The following PCIF1 variants were observed in gnomAD, a reference collection of about 807,000 sequenced individuals.
The protein encoded by PCIF1 is phosphorylated CTD interacting factor 1.
A neutral mutation model predicts 86.9 loss-of-function variants in PCIF1; 12 were observed. The ratio of observed to expected loss-of-function variants is 0.14; its 90% confidence interval spans 0.09 to 0.22. The LOEUF is 0.22. Among genes scored for constraint, PCIF1 ranks in the 10% least tolerant of loss-of-function variants. The pLI is 1.00. For synonymous variants in PCIF1, 397 were observed against 372.0 expected (o/e 1.07, Z -0.77); for missense variants, 701 against 951.1 (o/e 0.74, Z 3.46).
At chr20:45,938,496 T>C (rs2083444025) in intron 2 of PCIF1, among the ~76,000 whole-genome samples, 1 of 152,222 alleles carries the variant, frequency 6.6e-6, no homozygotes, top group Non-Finnish European at 1.5e-5. Context: ...TGTAAATATT[T>C]GCAGAATCAG....
chr20:45,944,860 T>C lies in PCIF1; in HGVS notation c.1006-8T>C. 1 of 1,611,004 alleles carries C rather than the reference T, an allele frequency of 6.2e-7. No homozygotes were observed. Among genetic ancestry groups the C allele is most frequent in the Non-Finnish European group, 8.5e-7 (1 of 1,178,102 alleles). On this transcript the variant is annotated splice_region_variant and splice_polypyrimidine_tract_variant and intron_variant, in intron 10 of 16. Coordinates refer to ENST00000372409, the MANE Select transcript of PCIF1 (RefSeq NM_022104.4). The stretch of plus-strand genomic sequence containing the variant: ...CACTAGCGCCCTGATCCAGAATGTG[T>C]CCTCTAGGATCGCCTGGAGCATCTG...
rs995605066 is a variant in PCIF1, at chr20:45,938,937, G to A, written c.-19-44G>A. Reference sequence around the variant, plus strand: ...GGCCCTGGGTGGATTGTAATTGGCGGGTGAGGGGGTGGAGCTGACACTCTT... The same window carrying A: ...GGCCCTGGGTGGATTGTAATTGGCGAGTGAGGGGGTGGAGCTGACACTCTT... On this transcript the variant is annotated intron_variant, in intron 2 of 16. Transcript: ENST00000372409. 4.4e-6 allele frequency: 7 copies of A among 1,601,932 alleles called. No individual in the cohort carries two copies. In the Admixed American group the frequency reaches 1.2e-4, roughly 27 times the overall value.
At chr20:45,937,643 A>C in intron 2 of PCIF1, 58 bp downstream of exon 2, 1 of 398,694 alleles carries the variant, frequency 2.5e-6, no homozygotes. Flanking sequence ...CCCCCAAGGC[A>C]TCAGGAATTC....
chr20:45,939,459 G>A, intron 4 of PCIF1, 120 bp downstream of exon 4: 1 of 1,402,986 alleles, frequency 7.1e-7, no homozygotes, highest in Non-Finnish European at 9.7e-7. Flanking sequence ...CAGATACAAT[G>A]ACAAGCAAGA....
In PCIF1 at chr20:45,934,766, G is replaced by C. The variant is rs375176035; in HGVS notation, c.-226G>C. On this transcript the variant is annotated 5_prime_UTR_variant, in exon 1 of 17. Transcript: ENST00000372409. Reference sequence around the variant, plus strand: ...AGGCGGCAAAACGGGCGGTCGAGCAGAACGTGTAGCCGCGTCCCCTCCAGT... The same window carrying C: ...AGGCGGCAAAACGGGCGGTCGAGCACAACGTGTAGCCGCGTCCCCTCCAGT... 4.5e-5 allele frequency: 18 copies of C among 398,698 alleles called. No homozygotes were observed. In the East Asian group the frequency reaches 6.1e-4, roughly 13 times the overall value. 24.7% of individuals were successfully genotyped at this position (398,698 alleles called of 1,614,324 possible). A position where few individuals can be genotyped will look rare whatever the true frequency, so the allele number is the denominator to read the frequency against.
intron 5 of PCIF1, 98 bp from the exon 6 acceptor site, chr20:45,940,711 A>AG (rs1259580147): frequency 6.4e-7 from 1 of 1,567,766 alleles, no homozygotes. Flanking sequence ...GCCAGCCAGG[A>AG]GGGGGGCCTG....
In PCIF1 at chr20:45,939,060, G is replaced by T; in HGVS notation, c.61G>T (p.Gly21Cys). Reference protein sequence around the residue: ...EEASLLSHSPGTSNQSQPCSP... With the variant: ...EEASLLSHSPCTSNQSQPCSP... Reference sequence around the variant, plus strand: ...AGCGTCCCTGCTGAGTCACTCCCCAGGTACCTCCAATCAGAGCCAGCCCTG... The same window carrying T: ...AGCGTCCCTGCTGAGTCACTCCCCATGTACCTCCAATCAGAGCCAGCCCTG... Residue 21 changes from glycine (G) to cysteine (C), a missense_variant, in exon 3 of 17, where the codon GGT (glycine) becomes TGT (cysteine). Transcript: ENST00000372409. 1 of 1,614,058 alleles carries T rather than the reference G, an allele frequency of 6.2e-7. No homozygotes were observed. The highest frequency in any genetic ancestry group is 8.5e-7 in the Non-Finnish European group (1 of 1,179,980).
chr20:45,945,176 C>A, intron 11 of PCIF1, 146 bp downstream of exon 11: 1 of 1,021,786 alleles, frequency 9.8e-7, no homozygotes, highest in Non-Finnish European at 1.4e-6. Context: ...CTCTGGGAAA[C>A]GGAGAAGTGA....
At chr20:45,935,014 G>A (rs970163414) in intron 1 of PCIF1, among the ~76,000 whole-genome samples, 1 of 152,108 alleles carries the variant, frequency 6.6e-6, no homozygotes, top group African/African-American at 2.4e-5. Context: ...AGCGGAGCGG[G>A]CTCTAGGGCC....
chr20:45,943,038 A>G lies in PCIF1; in HGVS notation c.674-59A>G. 1 of 1,552,608 alleles carries G rather than the reference A, an allele frequency of 6.4e-7. No individual in the cohort carries two copies. Among genetic ancestry groups the G allele is most frequent in the Non-Finnish European group, 8.8e-7 (1 of 1,134,932 alleles). ...AATGCGATGCTTCCTATACGTGCCA[A>G]GCTCCAAGTGGGACTGCTTGATTAA... On this transcript the variant is annotated intron_variant, in intron 7 of 16. Coordinates refer to ENST00000372409, the MANE Select transcript of PCIF1 (RefSeq NM_022104.4). The surrounding 1 kb of genome is among the most constrained non-coding windows in gnomAD (Gnocchi z 5.5).
At position 45,934,808 on chromosome 20, in the gene PCIF1, A is replaced by G. The variant is rs2083401907; in HGVS notation, c.-188+4A>G. ...CCCTCCAGTCCGCTCCGGGCAGGTA[A>G]GAGTCCCAGGAAGCCATGGTCCCGC... is the stretch of plus-strand genomic sequence containing the variant. On this transcript the variant is annotated splice_donor_region_variant and intron_variant, in intron 1 of 16. Transcript: ENST00000372409. The G allele has an allele frequency of 1.0e-5, 4 of 398,130 alleles. No homozygotes were observed. Among genetic ancestry groups the G allele is most frequent in the African/African-American group, 4.1e-5 (2 of 48,600 alleles). The allele number at this position is 398,130 out of a possible 1,614,324, so 24.7% of individuals were successfully genotyped here.
chr20:45,946,469 A>T, intron 14 of PCIF1, 85 bp downstream of exon 14: 1 of 1,500,502 alleles, frequency 6.7e-7, no homozygotes, highest in South Asian at 1.2e-5. Context: ...CTGTAGTGTC[A>T]GGCAGGCTTG....
intron 14 of PCIF1, among the ~76,000 whole-genome samples, chr20:45,946,611 G>C (rs2083529254): frequency 1.4e-5 from 1 of 72,798 alleles, no homozygotes; most frequent in African/African-American, 3.4e-5. Flanking sequence ...GGGTTTCTCA[G>C]TGAGTCAGTT....
chr20:45,947,717 C>G lies in PCIF1; in HGVS notation c.2077C>G (p.Arg693Gly), dbSNP rs140397899. ...SSEAKDRDSG[R>G]EQGPSREPHP... ...GGAGGCCAAGGACCGGGACTCGGGCCGTGAGCAGGGTCCTAGCCGCGAGCC... is the reference window on the plus strand; with the variant it reads ...GGAGGCCAAGGACCGGGACTCGGGCGGTGAGCAGGGTCCTAGCCGCGAGCC... The change falls in exon 17 of 17, where the codon CGT becomes GGT. Residue 693 changes from arginine to glycine, a missense_variant. Coordinates refer to ENST00000372409, the MANE Select transcript of PCIF1 (RefSeq NM_022104.4). This position sits in a 1 kb window ranked among gnomAD's most constrained non-coding sequence, Gnocchi z 5.4. 1 of 1,605,596 alleles carries G rather than the reference C, an allele frequency of 6.2e-7. No homozygotes were observed. The highest frequency in any genetic ancestry group is 1.3e-5 in the African/African-American group (1 of 74,790).
intron 4 of PCIF1, 34 bp from the exon 5 acceptor site, chr20:45,940,441 C>T: frequency 1.3e-6 from 2 of 1,562,574 alleles, no homozygotes; most frequent in Non-Finnish European, 1.7e-6. Flanking sequence ...AGCCGCTGGC[C>T]CTGGTTGCAA....
intron 5 of PCIF1, 55 bp downstream of exon 5, chr20:45,940,667 C>G (rs1178481649): frequency 1.3e-6 from 2 of 1,576,334 alleles, no homozygotes; most frequent in Non-Finnish European, 1.7e-6. Context: ...GACGGGCCGC[C>G]TGCAGGCTCC....
chr20:45,938,671 G>A (rs2083445259), intron 2 of PCIF1, among the ~76,000 whole-genome samples: 1 of 152,172 alleles, frequency 6.6e-6, no homozygotes, highest in Non-Finnish European at 1.5e-5. Context: ...CCCTGAGGAG[G>A]AGCTCTGACC....
chr20:45,936,650 G>A (rs369343041), intron 1 of PCIF1, among the ~76,000 whole-genome samples: 1 of 151,362 alleles, frequency 6.6e-6, no homozygotes. Flanking sequence ...TTTTATTTGG[G>A]CCCGGCGCAG....
intron 10 of PCIF1, among the ~76,000 whole-genome samples, chr20:45,944,656 A>C (rs902697377): frequency 2.6e-5 from 4 of 152,266 alleles, no homozygotes; most frequent in African/African-American, 7.2e-5. Context: ...TTTAATATTC[A>C]AACTGCCCTG....
Sources: allele counts gnomAD v4.1 joint callset (sites outside exome capture counted in the v4.1 genomes callset), GRCh38; gene constraint gnomAD v4.1.1; non-coding constraint Gnocchi (gnomAD v3.1); transcripts MANE v1.5; gene names NCBI Gene and HGNC (gene_info 2026-07-23, HGNC 2026-07-21).